ATP8B4: variants seen among roughly 807,000 people sequenced by gnomAD.
The protein encoded by ATP8B4 is probable phospholipid-transporting ATPase IM.
A neutral mutation model predicts 145.6 loss-of-function variants in ATP8B4; 133 were observed. The observed-to-expected ratio is 0.91, with a 90% confidence interval of 0.79 to 1.05. The LOEUF is 1.05. Among genes scored for constraint, ATP8B4 ranks in the 50% least tolerant of loss-of-function variants. The probability of loss-of-function intolerance (pLI) is 0.00; values close to 1 mark genes in which losing one functional copy is unlikely to be tolerated. For synonymous variants in ATP8B4, 507 were observed against 492.9 expected (o/e 1.03, Z -0.38); for missense variants, 1,458 against 1,425.2 (o/e 1.02, Z -0.37).
At chr15:50,031,320 C>T (rs539430753) in intron 6 of ATP8B4, among the ~76,000 whole-genome samples, 1 of 152,242 alleles carries the variant, frequency 6.6e-6, no homozygotes, top group East Asian at 1.9e-4. Flanking sequence ...TTTCCCCTAG[C>T]CCCAGTGGTA....
At chr15:49,877,745 A>G (rs2034700146) in intron 24 of ATP8B4, among the ~76,000 whole-genome samples, 1 of 152,328 alleles carries the variant, frequency 6.6e-6, no homozygotes, top group South Asian at 2.1e-4. Flanking sequence ...ACATGGAACT[A>G]TCGCCATGAT....
At chr15:49,972,549 A>G in intron 13 of ATP8B4, 33 bp downstream of exon 13, 2 of 1,582,546 alleles carry the variant, frequency 1.3e-6, no homozygotes, top group Non-Finnish European at 1.7e-6. Flanking sequence ...ATTGTTAACA[A>G]TATCGTTAAG....
At chr15:49,878,787 C>G (rs1324248161) in intron 24 of ATP8B4, among the ~76,000 whole-genome samples, 1 of 152,190 alleles carries the variant, frequency 6.6e-6, no homozygotes, top group Non-Finnish European at 1.5e-5. Context: ...ATCCTCCTCT[C>G]CCACTGGCAG....
At chr15:50,144,595 C>G (rs780694868) in intron 1 of ATP8B4, among the ~76,000 whole-genome samples, 3 of 152,170 alleles carry the variant, frequency 2.0e-5, no homozygotes, top group Non-Finnish European at 2.9e-5. Context: ...TTACCTCCCA[C>G]CAAGTCCCTC....
chr15:50,047,336 C>A lies in ATP8B4; in HGVS notation c.201+15G>T. ...TAAACAAACAGATAATAGAGAAATA[C>A]AACCTAAATATTACCTGTAAAATCA... On this transcript the variant is annotated intron_variant, in intron 4 of 27. Coordinates refer to ENST00000284509, the MANE Select transcript of ATP8B4 (RefSeq NM_024837.4). 1 of 1,439,448 alleles carries A rather than the reference C, an allele frequency of 6.9e-7. No individual in the cohort carries two copies. Among genetic ancestry groups the A allele is most frequent in the Non-Finnish European group, 9.7e-7 (1 of 1,025,902 alleles). The allele number at this position is 1,439,448 out of a possible 1,614,324, so 89.2% of individuals were successfully genotyped here.
At chr15:50,003,763 T>C (rs772193096) in intron 7 of ATP8B4, among the ~76,000 whole-genome samples, 8 of 152,144 alleles carry the variant, frequency 5.3e-5, no homozygotes, top group Non-Finnish European at 8.8e-5. Context: ...AGATGCCTAT[T>C]TGTACCCAGG....
chr15:49,919,608 G>A (rs1281492433), intron 18 of ATP8B4, among the ~76,000 whole-genome samples: 3 of 151,956 alleles, frequency 2.0e-5, no homozygotes, highest in Non-Finnish European at 2.9e-5. Flanking sequence ...TAGTAGAGAC[G>A]GGGTTTCACC....
chr15:50,074,205 G>A lies in ATP8B4; in HGVS notation c.29-20C>T. The A allele has an allele frequency of 6.3e-7, 1 of 1,597,630 alleles. No individual in the cohort carries two copies. Among genetic ancestry groups the A allele is most frequent in the Non-Finnish European group, 8.6e-7 (1 of 1,168,072 alleles). On this transcript the variant is annotated intron_variant, in intron 2 of 27. Coordinates refer to ENST00000284509, the MANE Select transcript of ATP8B4 (RefSeq NM_024837.4). Reference sequence around the variant, plus strand: ...CCACTTCTAAAGAGAGAGAAATCAAGTATGAAATTAAATTGTAGGCCCAGA... The same window carrying A: ...CCACTTCTAAAGAGAGAGAAATCAAATATGAAATTAAATTGTAGGCCCAGA...
intron 6 of ATP8B4, among the ~76,000 whole-genome samples, chr15:50,023,572 A>G (rs551479210): frequency 1.4e-4 from 21 of 152,048 alleles, no homozygotes; most frequent in Non-Finnish European, 2.5e-4. Context: ...TTTTATCTCA[A>G]TTCCAGTGTT....
At chr15:50,176,951 A>G (rs140030289) in intron 1 of ATP8B4, among the ~76,000 whole-genome samples, 24 of 152,196 alleles carry the variant, frequency 1.6e-4, no homozygotes, top group African/African-American at 5.3e-4. Flanking sequence ...CTTATCACAT[A>G]CCACCTCCAT....
At chr15:50,010,063 G>A (rs1302806594) in intron 7 of ATP8B4, among the ~76,000 whole-genome samples, 1 of 151,980 alleles carries the variant, frequency 6.6e-6, no homozygotes, top group Non-Finnish European at 1.5e-5. Context: ...ATAACTCTTG[G>A]GGCCATATTT....
chr15:50,079,244 A>T (rs1427999043), intron 2 of ATP8B4, among the ~76,000 whole-genome samples: 1 of 152,228 alleles, frequency 6.6e-6, no homozygotes, highest in Non-Finnish European at 1.5e-5. Flanking sequence ...AAAAAATTTT[A>T]CAAAAAAGAA....
At chr15:49,965,436 T>C (rs975098664) in intron 13 of ATP8B4, among the ~76,000 whole-genome samples, 3 of 152,160 alleles carry the variant, frequency 2.0e-5, no homozygotes, top group East Asian at 1.9e-4. Context: ...TGAAGGGACA[T>C]TGGGAGACCA....
chr15:50,011,532 C>T, intron 6 of ATP8B4, among the ~76,000 whole-genome samples: 1 of 152,264 alleles, frequency 6.6e-6, no homozygotes, highest in East Asian at 1.9e-4. Flanking sequence ...ACACAGTCAA[C>T]CTACTGCACT....
At chr15:49,972,930 G>T (rs1212257296) in intron 12 of ATP8B4, 140 bp from the exon 13 acceptor site, 1 of 734,554 alleles carries the variant, frequency 1.4e-6, no homozygotes. Flanking sequence ...AGGTCCCAGG[G>T]ATCTTCAGAA....
At chr15:49,922,640 T>C (rs1427299172) in intron 17 of ATP8B4, among the ~76,000 whole-genome samples, 1 of 152,046 alleles carries the variant, frequency 6.6e-6, no homozygotes, top group East Asian at 1.9e-4. Flanking sequence ...AATGAGAAAA[T>C]GACAGTTTTG....
chr15:50,117,249 C>T (rs537427186), intron 1 of ATP8B4, among the ~76,000 whole-genome samples: 1 of 152,212 alleles, frequency 6.6e-6, no homozygotes, highest in East Asian at 1.9e-4. Context: ...GGCGTTTCAT[C>T]ATGTTGGCCA....
chr15:49,923,416 T>C lies in ATP8B4; in HGVS notation c.1721A>G (p.Asn574Ser), dbSNP rs1192137418. 3.7e-6 allele frequency: 6 copies of C among 1,613,522 alleles called. No homozygotes were observed. The highest frequency in any genetic ancestry group is 5.1e-6 in the Non-Finnish European group (6 of 1,179,542). The change falls in exon 17 of 28, where the codon AAT becomes AGT. Residue 574 changes from asparagine to serine, a missense_variant. Transcript: ENST00000284509. ...TGACGTCAAAGACAAAAGGACTTCA[T>C]TGGAAGGATGAAGTTTTTCAAACAG... is the stretch of plus-strand genomic sequence containing the variant. ...TILFEKLHPS[N>S]EVLLSLTSDH...
intron 11 of ATP8B4, among the ~76,000 whole-genome samples, 175 bp from the exon 12 acceptor site, chr15:49,979,988 T>C (rs1397480284): frequency 6.6e-6 from 1 of 152,208 alleles, no homozygotes; most frequent in Non-Finnish European, 1.5e-5. Flanking sequence ...ATATTTTACA[T>C]ACATTTTCTC....
Sources: allele counts gnomAD v4.1 joint callset (sites outside exome capture counted in the v4.1 genomes callset), GRCh38; gene constraint gnomAD v4.1.1; transcripts MANE v1.5; gene names NCBI Gene and HGNC (gene_info 2026-07-23, HGNC 2026-07-21).